CACNA1B: variants seen among roughly 807,000 people sequenced by gnomAD.
The protein encoded by CACNA1B is voltage-dependent N-type calcium channel subunit alpha-1B.
Under a neutral mutation model 247.2 loss-of-function variants are expected in CACNA1B, and 70 were observed. The observed-to-expected ratio is 0.28, with a 90% CI of 0.23 to 0.35. CACNA1B has a LOEUF of 0.35. CACNA1B is among the 10% of genes least tolerant of loss of function. CACNA1B has a pLI of 1.00. For missense variants in CACNA1B, 2,367 were observed against 3,197.4 expected (o/e 0.74, Z 6.26); for synonymous variants, 1,231 against 1,294.4 (o/e 0.95, Z 1.05).
chr9:137,946,014 G>T (rs1439373866), intron 6 of CACNA1B, among the ~76,000 whole-genome samples: 2 of 152,010 alleles, frequency 1.3e-5, no homozygotes, highest in Non-Finnish European at 2.9e-5. Context: ...TAGAGACAGG[G>T]TTTCACCATA....
intron 1 of CACNA1B, among the ~76,000 whole-genome samples, chr9:137,878,515 C>T (rs1016834153): frequency 3.3e-5 from 5 of 152,180 alleles, no homozygotes; most frequent in African/African-American, 9.6e-5. Flanking sequence ...AGGGCGAAGC[C>T]GCGTCCGTGC....
At position 137,992,062 on chromosome 9, in the gene CACNA1B, G is replaced by C. The variant is rs549324797; in HGVS notation, c.1974+5208G>C. ...CAGCATGGTATTCAGGCAACAAATA[G>C]CACAATGAATAGGATAGTATCTCAC... On this transcript the variant is annotated intron_variant, in intron 15 of 46. Transcript: ENST00000371372. Among the ~76,000 whole-genome samples the C allele has an allele frequency of 6.4e-4, 97 of 152,110 alleles. No homozygotes were observed. The Middle Eastern group carries it at 0.014, about 21-fold the overall frequency.
In CACNA1B at chr9:138,082,934, C is replaced by T. The variant is rs554938871; in HGVS notation, c.5094+4676C>T. On this transcript the variant is annotated intron_variant, in intron 36 of 46. Coordinates refer to ENST00000371372, the MANE Select transcript of CACNA1B (RefSeq NM_000718.4). ...ATGAAACACCAAGCAAACACCACCA[C>T]CCCATCCCACAACTAGGATCAGCTG... Among the ~76,000 whole-genome samples the T allele has an allele frequency of 2.0e-5, 3 of 151,208 alleles. 1 individual carries two copies. In the East Asian group the frequency reaches 6.1e-4, roughly 31 times the overall value.
chr9:137,971,666 C>T lies in CACNA1B; in HGVS notation c.1543+74C>T. 7.7e-7 allele frequency: 1 copy of T among 1,295,786 alleles called. No individual in the cohort carries two copies. Among genetic ancestry groups the T allele is most frequent in the Non-Finnish European group, 1.1e-6 (1 of 917,854 alleles). The allele number at this position is 1,295,786 out of a possible 1,614,324, so 80.3% of individuals were successfully genotyped here. ...TCAGTCTGGAAACCCTGGTCCATGC[C>T]CTGGGGCTACCCCAGGTGGGACGGG... On this transcript the variant is annotated intron_variant, in intron 11 of 46. Coordinates refer to ENST00000371372, the MANE Select transcript of CACNA1B (RefSeq NM_000718.4). This position sits in a 1 kb window ranked among gnomAD's most constrained non-coding sequence, Gnocchi z 4.4.
intron 31 of CACNA1B, among the ~76,000 whole-genome samples, chr9:138,068,297 G>C (rs557024635): frequency 6.6e-6 from 1 of 152,146 alleles, no homozygotes; most frequent in Admixed American, 6.5e-5. Context: ...GTGATGTGCC[G>C]TTCGTAAAGC....
chr9:137,957,547 G>T lies in CACNA1B; in HGVS notation c.1244-51G>T. On this transcript the variant is annotated intron_variant, in intron 9 of 46. Coordinates refer to ENST00000371372, the MANE Select transcript of CACNA1B (RefSeq NM_000718.4). This position sits in a 1 kb window ranked among gnomAD's most constrained non-coding sequence, Gnocchi z 4.7. ...GATCCCATGCCCCGCTGAGGCAGGT[G>T]GCCTGAGGGCTGCAGCTCAGGCAGT... 7.3e-7 allele frequency: 1 copy of T among 1,376,608 alleles called. No individual in the cohort carries two copies. Among genetic ancestry groups the T allele is most frequent in the South Asian group, 1.4e-5 (1 of 73,394 alleles). The allele number at this position is 1,376,608 out of a possible 1,614,324, so 85.3% of individuals were successfully genotyped here. A position where few individuals can be genotyped will look rare whatever the true frequency, so the allele number is the denominator to read the frequency against.
intron 40 of CACNA1B, 129 bp downstream of exon 40, chr9:138,112,634 C>T: frequency 3.0e-6 from 2 of 657,422 alleles, no homozygotes; most frequent in Middle Eastern, 3.9e-4. Context: ...CTCACCTCCT[C>T]ATGAATCTGC....
At chr9:138,017,516 G>A (rs1226099974) in intron 18 of CACNA1B, among the ~76,000 whole-genome samples, 1 of 152,222 alleles carries the variant, frequency 6.6e-6, no homozygotes, top group Non-Finnish European at 1.5e-5. Context: ...TGGACTGGGC[G>A]TCATGGGTTC....
At position 138,114,362 on chromosome 9, in the gene CACNA1B, C is replaced by T; in HGVS notation, c.5537-16C>T. 2.3e-6 allele frequency: 3 copies of T among 1,323,862 alleles called. No individual in the cohort carries two copies. Among genetic ancestry groups the T allele is most frequent in the Non-Finnish European group, 3.2e-6 (3 of 927,608 alleles). 82.0% of individuals were successfully genotyped at this position (1,323,862 alleles called of 1,614,324 possible). A position where few individuals can be genotyped will look rare whatever the true frequency, so the allele number is the denominator to read the frequency against. ...TGCCCCCTTCTCCGAATCTCAACTC[C>T]TGTGTTCTTTTCCAGCTGATGAGAT... On this transcript the variant is annotated splice_polypyrimidine_tract_variant and intron_variant, in intron 40 of 46. Transcript: ENST00000371372.
chr9:137,956,189 G>A (rs1957945364), intron 8 of CACNA1B, among the ~76,000 whole-genome samples: 1 of 152,194 alleles, frequency 6.6e-6, no homozygotes, highest in Admixed American at 6.5e-5. Flanking sequence ...CACCTCCTAA[G>A]GTTTCCCAAG....
chr9:138,120,715 G>C lies in CACNA1B; in HGVS notation c.6323G>C (p.Arg2108Pro). ...CRRERERRQERGRSQERRQPS... is the reference protein window; with the variant it reads ...CRRERERRQEPGRSQERRQPS... The stretch of plus-strand genomic sequence containing the variant: ...CGGGAACGAGAGCGCCGGCAGGAGC[G>C]GGGCCGGTCCCAGGAGCGGAGGCAG... Residue 2108 changes from arginine to proline, a missense_variant, in exon 46 of 47, where the codon CGG becomes CCG. This residue lies in a region of CACNA1B where 773 missense variants were observed against 779.4 expected (regional missense o/e 0.99). Transcript: ENST00000371372. 1 of 1,531,190 alleles carries C rather than the reference G, an allele frequency of 6.5e-7. No homozygotes were observed. Among genetic ancestry groups the C allele is most frequent in the East Asian group, 2.4e-5 (1 of 40,900 alleles). 94.9% of individuals were successfully genotyped at this position (1,531,190 alleles called of 1,614,324 possible).
chr9:138,021,234 C>T (rs1447505206), intron 18 of CACNA1B, among the ~76,000 whole-genome samples: 1 of 152,208 alleles, frequency 6.6e-6, no homozygotes, highest in African/African-American at 2.4e-5. Flanking sequence ...AGTTTAAATG[C>T]ATCAGGGATA....
intron 10 of CACNA1B, among the ~76,000 whole-genome samples, chr9:137,960,756 G>GGCCGCCCTGGTGGTTTGCAGAGGGGT (rs1958012233): frequency 6.6e-6 from 1 of 152,082 alleles, no homozygotes; most frequent in Non-Finnish European, 1.5e-5. Context: ...CGGGACCCCA[G>GGCCGCCCTGGTGGTTTGCAGAGGGGT]GCCGCCCTGG....
chr9:138,017,011 G>A (rs1315038190), intron 18 of CACNA1B: 24 of 435,884 alleles, frequency 5.5e-5, no homozygotes, highest in Non-Finnish European at 1.1e-4. Context: ...GGACGCGTCT[G>A]CGGCCTCCTG....
Position 137,934,769 on chromosome 9 carries a change from A to G in CACNA1B, c.966+17338A>G, listed in dbSNP as rs576971428. 4.9e-4 allele frequency among the ~76,000 whole-genome samples: 75 copies of G among 152,298 alleles called. 1 individual carries two copies. Among genetic ancestry groups the G allele is most frequent in the African/African-American group, 1.8e-3 (75 of 41,562 alleles). On this transcript the variant is annotated intron_variant, in intron 6 of 46. Coordinates refer to ENST00000371372, the MANE Select transcript of CACNA1B (RefSeq NM_000718.4). ...TCTCAGGAAGCCACAGCTCTAGGAA[A>G]ATGGGGAGAGTACTACCTACATCAA...
At chr9:137,940,798 A>G (rs1278565389) in intron 6 of CACNA1B, among the ~76,000 whole-genome samples, 2 of 152,214 alleles carry the variant, frequency 1.3e-5, no homozygotes, top group Non-Finnish European at 1.5e-5. Context: ...CCACATAAAC[A>G]ATTAAAGACA....
intron 3 of CACNA1B, among the ~76,000 whole-genome samples, chr9:137,909,048 T>C (rs1211183004): frequency 6.7e-6 from 1 of 150,284 alleles, no homozygotes; most frequent in African/African-American, 2.5e-5. Flanking sequence ...TGGAGTGCAA[T>C]GGTGCAATCT....
intron 6 of CACNA1B, among the ~76,000 whole-genome samples, chr9:137,945,400 G>A (rs1470334805): frequency 6.6e-6 from 1 of 152,196 alleles, no homozygotes; most frequent in East Asian, 1.9e-4. Context: ...CGGTTCCCAA[G>A]GGCATCCCCA....
chr9:137,897,678 G>A lies in CACNA1B; in HGVS notation c.530+14795G>A, dbSNP rs143842857. 5.9e-5 allele frequency among the ~76,000 whole-genome samples: 9 copies of A among 152,036 alleles called. No individual in the cohort carries two copies. The South Asian group carries it at 1.5e-3, about 25-fold the overall frequency. ...TGTATTTTCGATTTAATTCAATTCC[G>A]TGTATTTTATTTTGTGTTTTTATCA... On this transcript the variant is annotated intron_variant, in intron 3 of 46. Coordinates refer to ENST00000371372, the MANE Select transcript of CACNA1B (RefSeq NM_000718.4).
Sources: gnomAD v4.1 joint callset for allele counts (sites outside exome capture counted in the v4.1 genomes callset) on GRCh38, gnomAD v4.1.1 for gene constraint, gnomAD v4.1.1 regional missense constraint, Gnocchi (gnomAD v3.1) non-coding constraint, MANE v1.5 for transcripts, NCBI Gene and HGNC (gene_info 2026-07-23, HGNC 2026-07-21) for gene names.